The following LRP1B variants were observed in gnomAD, a reference collection of about 807,000 sequenced individuals.
The protein encoded by LRP1B is LDL receptor related protein 1B, also known as low-density lipoprotein receptor-related protein 1B.
A neutral mutation model predicts 556.6 loss-of-function variants in LRP1B; 217 were observed. That is an observed-to-expected ratio of 0.39 (90% CI 0.35 to 0.44). The LOEUF (loss-of-function observed/expected upper bound fraction) is 0.44. Ranked by LOEUF, LRP1B falls within the 20% of genes least tolerant of loss-of-function variation. The pLI is 1.00. For missense variants in LRP1B, 5,053 were observed against 5,620.8 expected, an observed-to-expected ratio of 0.90 and a Z score of 3.23; for synonymous variants, 2,047 against 1,865.8, an observed-to-expected ratio of 1.10 and a Z score of -2.50.
chr2:141,354,097 T>C (rs1171921182), intron 3 of LRP1B, among the ~76,000 whole-genome samples: 1 of 151,982 alleles, frequency 6.6e-6, no homozygotes, highest in Non-Finnish European at 1.5e-5. Flanking sequence ...ATCAAAAACC[T>C]ACCTCTCGGG....
intron 3 of LRP1B, among the ~76,000 whole-genome samples, chr2:141,434,554 G>C (rs1339113162): frequency 1.3e-5 from 2 of 152,072 alleles, no homozygotes; most frequent in East Asian, 3.9e-4. Flanking sequence ...TTTAAGAGCT[G>C]CCTTGAAGTC....
chr2:140,890,836 T>C (rs1693775983), intron 23 of LRP1B, among the ~76,000 whole-genome samples: 1 of 151,952 alleles, frequency 6.6e-6, no homozygotes. Flanking sequence ...TTTAATTAAA[T>C]GAAACCTTGT....
At chr2:141,639,233 G>A (rs139808087) in intron 2 of LRP1B, among the ~76,000 whole-genome samples, 7,492 of 134,618 alleles carry the variant, frequency 0.056, 291 homozygotes, top group East Asian at 0.16. Context: ...GTCTCTTCAC[G>A]CAAAGCACAG....
chr2:141,161,884 A>T (rs990395383), intron 7 of LRP1B, among the ~76,000 whole-genome samples: 10 of 152,106 alleles, frequency 6.6e-5, no homozygotes, highest in African/African-American at 2.4e-4. Flanking sequence ...AGTGATTTGC[A>T]TATATGATAA....
chr2:140,860,322 C>A (rs565224681), intron 27 of LRP1B, among the ~76,000 whole-genome samples: 126 of 152,204 alleles, frequency 8.3e-4, no homozygotes, highest in Non-Finnish European at 1.5e-3. Context: ...GTGGAGAAAC[C>A]TCTCAATGTC....
chr2:141,425,608 C>T (rs1390616385), intron 3 of LRP1B, among the ~76,000 whole-genome samples: 5 of 148,188 alleles, frequency 3.4e-5, no homozygotes. Flanking sequence ...TAATGATTGC[C>T]ATTCTAACTG....
chr2:140,755,552 A>C (rs2104904485), intron 35 of LRP1B, among the ~76,000 whole-genome samples: 1 of 152,100 alleles, frequency 6.6e-6, no homozygotes, highest in African/African-American at 2.4e-5. Context: ...CACCGTATCA[A>C]CAGAATAAGT....
At position 140,598,774 on chromosome 2, in the gene LRP1B, C is replaced by T. The variant is rs762205250; in HGVS notation, c.7051G>A (p.Gly2351Arg). Residue 2351 changes from glycine to arginine, a missense_variant, in exon 43 of 91, where the codon GGG becomes AGG. By Grantham distance (125) the Gly-to-Arg change is moderately radical. Coordinates refer to ENST00000389484, the MANE Select transcript of LRP1B (RefSeq NM_018557.3). ...CTGACCACCACTTGAGCATTTTTCCCAGTCAGAGTAGATCTCATGATACTT... is the reference window on the plus strand; with the variant it reads ...CTGACCACCACTTGAGCATTTTTCCTAGTCAGAGTAGATCTCATGATACTT... ...HPSIMRSTLT[G>R]KNAQVVVSTD... 3 of 1,612,504 alleles carry T rather than the reference C, an allele frequency of 1.9e-6. No homozygotes were observed.
At chr2:140,553,115 T>C (rs183417638) in intron 43 of LRP1B, among the ~76,000 whole-genome samples, 94 of 152,218 alleles carry the variant, frequency 6.2e-4, no homozygotes, top group African/African-American at 2.1e-3. Flanking sequence ...GATTGCCTCA[T>C]TGACAAGATT....
At chr2:140,881,762 CT>C (rs1218173335) in intron 25 of LRP1B, among the ~76,000 whole-genome samples, 1 of 152,154 alleles carries the variant, frequency 6.6e-6, no homozygotes, top group African/African-American at 2.4e-5. Flanking sequence ...CTTTCCCCTA[CT>C]TTCAGGCTAG....
intron 7 of LRP1B, among the ~76,000 whole-genome samples, chr2:141,131,303 G>A (rs1234538433): frequency 6.6e-6 from 1 of 150,508 alleles, no homozygotes; most frequent in East Asian, 1.9e-4. Flanking sequence ...ATACAAAACG[G>A]ACTGATCTTT....
At chr2:140,839,045 G>A (rs1362493889) in intron 31 of LRP1B, among the ~76,000 whole-genome samples, 2 of 152,036 alleles carry the variant, frequency 1.3e-5, no homozygotes, top group African/African-American at 4.8e-5. Context: ...TGAACAGAGT[G>A]AATAAAGACT....
intron 11 of LRP1B, among the ~76,000 whole-genome samples, chr2:141,031,270 CACACACACACAT>C (rs755592461): frequency 0.034 from 3,422 of 101,756 alleles, 67 homozygotes; most frequent in Non-Finnish European, 0.047. Context: ...CACACACACA[CACACACACACAT>C]ACATACATAT....
Position 142,040,998 on chromosome 2 carries a change from A to G in LRP1B, c.82+89650T>C, listed in dbSNP as rs995004942. Among the ~76,000 whole-genome samples the G allele has an allele frequency of 6.6e-5, 10 of 151,596 alleles. No individual in the cohort carries two copies. In the East Asian group the frequency reaches 1.2e-3, roughly 18 times the overall value. ...TGGCACTATCATTTATGTTGAGTCC[A>G]GTGAAACGTTTCTAAAAACTTGAAT... On this transcript the variant is annotated intron_variant, in intron 1 of 90. Coordinates refer to ENST00000389484, the MANE Select transcript of LRP1B (RefSeq NM_018557.3).
chr2:141,210,929 T>C (rs570482095), intron 6 of LRP1B, among the ~76,000 whole-genome samples: 1 of 152,288 alleles, frequency 6.6e-6, no homozygotes, highest in East Asian at 1.9e-4. Context: ...ACAGCTAAAC[T>C]AACAATAAAG....
Position 141,655,389 on chromosome 2 carries a change from T to C in LRP1B, c.205+154890A>G, listed in dbSNP as rs557157796. Among the ~76,000 whole-genome samples, 5 of 152,258 alleles carry C rather than the reference T, an allele frequency of 3.3e-5. No individual in the cohort carries two copies. The Middle Eastern group carries it at 0.01, about 311-fold the overall frequency. ...TTGAGTTATAGAGCCCTCCCTGATG[T>C]TATTAGACTAAATAAAAAACTTCCA... On this transcript the variant is annotated intron_variant, in intron 2 of 90. Coordinates refer to ENST00000389484, the MANE Select transcript of LRP1B (RefSeq NM_018557.3).
At chr2:140,581,918 A>G (rs181642513) in intron 43 of LRP1B, among the ~76,000 whole-genome samples, 1 of 152,254 alleles carries the variant, frequency 6.6e-6, no homozygotes, top group East Asian at 1.9e-4. Flanking sequence ...ATACTACATC[A>G]TTCACTTTAA....
In LRP1B at chr2:140,325,815, C is replaced by T. The variant is rs576593437; in HGVS notation, c.12287G>A (p.Gly4096Asp). Residue 4096 changes from glycine (G) to aspartate (D), a missense_variant, in exon 80 of 91, where the codon GGC (glycine) becomes GAC (aspartate). Gly to Asp is a moderately conservative substitution (Grantham distance 94). This residue lies in a region of LRP1B where 551 missense variants were observed against 592.0 expected (regional missense o/e 0.93). Coordinates refer to ENST00000389484, the MANE Select transcript of LRP1B (RefSeq NM_018557.3). ...YWADFELSIIGSVLYDGSNSV... is the reference protein window; with the variant it reads ...YWADFELSIIDSVLYDGSNSV... ...ATTAGAGCCATCATACAGAACACTGCCAATGATGGAGAGCTCAAAGTCAGC... is the reference window on the plus strand; with the variant it reads ...ATTAGAGCCATCATACAGAACACTGTCAATGATGGAGAGCTCAAAGTCAGC... 6.2e-7 allele frequency: 1 copy of T among 1,613,122 alleles called. No individual in the cohort carries two copies.
At chr2:140,668,286 G>A (rs1292596054) in intron 41 of LRP1B, among the ~76,000 whole-genome samples, 1 of 109,038 alleles carries the variant, frequency 9.2e-6, no homozygotes, top group Admixed American at 1.5e-4. Context: ...CTCCAGCCTG[G>A]GTGACAGAGC....
Sources: allele counts gnomAD v4.1 joint callset (sites outside exome capture counted in the v4.1 genomes callset), GRCh38; gene constraint gnomAD v4.1.1; regional missense constraint gnomAD v4.1.1; transcripts MANE v1.5; gene names NCBI Gene and HGNC (gene_info 2026-07-23, HGNC 2026-07-21).